ADAM10: variants seen among roughly 807,000 people sequenced by gnomAD.
ADAM10 encodes the protein ADAM metallopeptidase domain 10, also known as disintegrin and metalloproteinase domain-containing protein 10.
Under a neutral mutation model 90.1 loss-of-function variants are expected in ADAM10, and 17 were observed. The observed-to-expected ratio is 0.19, with a 90% CI of 0.13 to 0.28. ADAM10 has a LOEUF of 0.28. Among genes scored for constraint, ADAM10 ranks in the 10% least tolerant of loss-of-function variants. ADAM10 has a pLI of 1.00. For synonymous variants in ADAM10, 310 were observed against 298.6 expected (o/e 1.04, Z -0.40); for missense variants, 610 against 914.3 (o/e 0.67, Z 4.29).
intron 6 of ADAM10, among the ~76,000 whole-genome samples, chr15:58,644,727 C>G (rs1228514634): frequency 1.3e-5 from 2 of 152,146 alleles, no homozygotes; most frequent in Non-Finnish European, 2.9e-5. Flanking sequence ...GACTTTAATC[C>G]TTCTATTGCT....
At chr15:58,614,685 C>A (rs1895551261) in intron 11 of ADAM10, among the ~76,000 whole-genome samples, 1 of 152,104 alleles carries the variant, frequency 6.6e-6, no homozygotes, top group Admixed American at 6.5e-5. Flanking sequence ...CTTTCCCACA[C>A]AAGCAAAAAT....
chr15:58,679,398 A>ATGTG, intron 3 of ADAM10, 116 bp from the exon 4 acceptor site: 20 of 835,826 alleles, frequency 2.4e-5, no homozygotes, highest in Non-Finnish European at 3.6e-5. Flanking sequence ...ATATATACAC[A>ATGTG]TATATATGGT....
chr15:58,658,526 C>T (rs1447842643), intron 5 of ADAM10, among the ~76,000 whole-genome samples: 1 of 152,102 alleles, frequency 6.6e-6, no homozygotes, highest in African/African-American at 2.4e-5. Flanking sequence ...TTGTCAACTA[C>T]TAGATAAATG....
At chr15:58,714,569 A>G (rs1483579141) in intron 2 of ADAM10, among the ~76,000 whole-genome samples, 2 of 152,196 alleles carry the variant, frequency 1.3e-5, no homozygotes, top group African/African-American at 4.8e-5. Context: ...AATGTATAAG[A>G]CAGTACAATT....
chr15:58,644,083 A>C, intron 6 of ADAM10, 105 bp from the exon 7 acceptor site: 1 of 815,756 alleles, frequency 1.2e-6, no homozygotes. Context: ...TGCCACATTC[A>C]AATTTTAAAA....
intron 2 of ADAM10, among the ~76,000 whole-genome samples, chr15:58,708,049 C>T (rs544023947): frequency 4.4e-4 from 67 of 151,948 alleles, no homozygotes; most frequent in African/African-American, 1.6e-3. Context: ...TGTACTCCAG[C>T]CTGGGCAACA....
In ADAM10 at chr15:58,642,164, A is replaced by G. The variant is rs970374304; in HGVS notation, c.829-1204T>C. ...TCCTAGTAATTCTCTAATACTGGCT[A>G]TAAATAAAAATTGCATGTAAGGCCC... On this transcript the variant is annotated intron_variant, in intron 7 of 15. Coordinates refer to ENST00000260408, the MANE Select transcript of ADAM10 (RefSeq NM_001110.4). 3.9e-5 allele frequency among the ~76,000 whole-genome samples: 6 copies of G among 152,242 alleles called. No homozygotes were observed. The South Asian group carries it at 1.2e-3, about 32-fold the overall frequency.
intron 1 of ADAM10, among the ~76,000 whole-genome samples, chr15:58,739,395 T>C (rs1179415765): frequency 6.7e-6 from 1 of 150,130 alleles, no homozygotes; most frequent in Admixed American, 6.6e-5. Context: ...CAGGTGCTTG[T>C]AGTCCCAGCT....
chr15:58,749,349 C>A, intron 1 of ADAM10, 131 bp downstream of exon 1: 1 of 1,160,600 alleles, frequency 8.6e-7, no homozygotes, highest in Non-Finnish European at 1.1e-6. Context: ...GGAGCGCGGC[C>A]CGCCAGAGTG....
chr15:58,605,056 G>C (rs544154153), intron 14 of ADAM10, among the ~76,000 whole-genome samples: 1 of 152,270 alleles, frequency 6.6e-6, no homozygotes, highest in East Asian at 1.9e-4. Context: ...TTTAAATAAA[G>C]AGCCATACGA....
intron 9 of ADAM10, among the ~76,000 whole-genome samples, chr15:58,632,557 A>G (rs1896131853): frequency 6.6e-6 from 1 of 152,202 alleles, no homozygotes; most frequent in Admixed American, 6.5e-5. Context: ...CCTGAAGCCT[A>G]AAATGTTTAC....
intron 1 of ADAM10, 63 bp from the exon 2 acceptor site, chr15:58,717,790 C>T (rs1457574728): frequency 3.2e-6 from 5 of 1,567,516 alleles, no homozygotes; most frequent in Middle Eastern, 1.7e-4. Flanking sequence ...AGTTCTAACA[C>T]GATTATTCAA....
chr15:58,722,532 CAAAAA>C, intron 1 of ADAM10, among the ~76,000 whole-genome samples: 2 of 122,416 alleles, frequency 1.6e-5, no homozygotes, highest in South Asian at 5.2e-4. Context: ...GACCCTATCT[CAAAAA>C]AAAAAAAAAG....
intron 10 of ADAM10, among the ~76,000 whole-genome samples, chr15:58,623,534 T>C (rs1245546601): frequency 6.6e-6 from 1 of 152,182 alleles, no homozygotes; most frequent in Non-Finnish European, 1.5e-5. Context: ...GCATGCACTA[T>C]TTATAATAGC....
rs1894974637 is a variant in ADAM10 at position 58,597,113 on chromosome 15, T to C, written c.*434A>G. The C allele has an allele frequency of 5.2e-6, 2 of 383,516 alleles. No homozygotes were observed. Among genetic ancestry groups the C allele is most frequent in the Non-Finnish European group, 9.7e-6 (2 of 206,776 alleles). 23.8% of individuals were successfully genotyped at this position (383,516 alleles called of 1,614,324 possible). ...GTCTGCATATAACAAGGTATGTACA[T>C]TGGCAAGTGATGTCTCCAATGTTGA... On this transcript the variant is annotated 3_prime_UTR_variant, in exon 16 of 16. Transcript: ENST00000260408.
At chr15:58,731,021 T>TA (rs1327117792) in intron 1 of ADAM10, among the ~76,000 whole-genome samples, 1 of 152,212 alleles carries the variant, frequency 6.6e-6, no homozygotes, top group Admixed American at 6.5e-5. Context: ...TCAGTCTGTA[T>TA]AATCGTGTAA....
At chr15:58,723,560 C>T (rs1244526668) in intron 1 of ADAM10, among the ~76,000 whole-genome samples, 1 of 151,926 alleles carries the variant, frequency 6.6e-6, no homozygotes, top group Admixed American at 6.6e-5. Flanking sequence ...AAAAAATTAG[C>T]CTGCCGTGGT....
At position 58,703,015 on chromosome 15, in the gene ADAM10, C is replaced by T. The variant is rs558029065; in HGVS notation, c.206+14562G>A. The stretch of plus-strand genomic sequence containing the variant: ...ATTCTACTACAATCTGTTTGACAGT[C>T]CACATCTTTATGCTATTTTAGCATT... On this transcript the variant is annotated intron_variant, in intron 2 of 15. Coordinates refer to ENST00000260408, the MANE Select transcript of ADAM10 (RefSeq NM_001110.4). 2.8e-4 allele frequency among the ~76,000 whole-genome samples: 42 copies of T among 152,266 alleles called. 1 individual carries two copies. The highest frequency in any genetic ancestry group is 6.2e-4 in the South Asian group (3 of 4,828).
At chr15:58,623,455 T>C (rs1895847773) in intron 10 of ADAM10, among the ~76,000 whole-genome samples, 2 of 152,128 alleles carry the variant, frequency 1.3e-5, no homozygotes, top group African/African-American at 4.8e-5. Context: ...TTTTTTAAAA[T>C]CTTGGAGGTC....
Sources: allele counts gnomAD v4.1 joint callset (sites outside exome capture counted in the v4.1 genomes callset), GRCh38; gene constraint gnomAD v4.1.1; transcripts MANE v1.5; gene names NCBI Gene and HGNC (gene_info 2026-07-23, HGNC 2026-07-21).